The following BIRC6 variants were observed in gnomAD, a reference collection of about 807,000 sequenced individuals.
The protein encoded by BIRC6 is dual E2 ubiquitin-conjugating enzyme/E3 ubiquitin-protein ligase BIRC6.
A neutral mutation model predicts 503.3 loss-of-function variants in BIRC6; 98 were observed. The ratio of observed to expected loss-of-function variants is 0.19; its 90% CI spans 0.17 to 0.23. The LOEUF (loss-of-function observed/expected upper bound fraction) is 0.23, where lower values mean the gene tolerates loss of function less well. Among genes scored for constraint, BIRC6 ranks in the 10% least tolerant of loss-of-function variants. The pLI is 1.00. For synonymous variants in BIRC6, 2,240 were observed against 2,078.7 expected, an observed-to-expected ratio of 1.08 and a Z score of -2.11; for missense variants, 5,360 against 5,806.0, an observed-to-expected ratio of 0.92 and a Z score of 2.50.
chr2:32,407,200 C>G (rs2041315744), intron 9 of BIRC6, among the ~76,000 whole-genome samples: 1 of 152,094 alleles, frequency 6.6e-6, no homozygotes, highest in South Asian at 2.1e-4. Flanking sequence ...AATCCTAGCA[C>G]TTTGGGAGGC....
chr2:32,471,289 T>A, intron 32 of BIRC6, 165 bp downstream of exon 32: 1 of 500,710 alleles, frequency 2.0e-6, no homozygotes. Flanking sequence ...CAATTCTGTT[T>A]AAAGATAACA....
chr2:32,394,922 G>A (rs1255593616), intron 5 of BIRC6, among the ~76,000 whole-genome samples: 1 of 152,140 alleles, frequency 6.6e-6, no homozygotes, highest in East Asian at 1.9e-4. Context: ...AGGCTGAGAG[G>A]GGTGGATCAC....
At chr2:32,365,426 T>C (rs568102333) in intron 1 of BIRC6, among the ~76,000 whole-genome samples, 1 of 152,108 alleles carries the variant, frequency 6.6e-6, no homozygotes, top group South Asian at 2.1e-4. Flanking sequence ...TTCAAGCGAT[T>C]CTCCTGCCTC....
intron 46 of BIRC6, among the ~76,000 whole-genome samples, chr2:32,500,921 C>T (rs1386387307): frequency 2.6e-5 from 4 of 151,106 alleles, no homozygotes; most frequent in African/African-American, 9.7e-5. Flanking sequence ...TTTTTTTGTA[C>T]AGACGGGATT....
At chr2:32,492,311 A>G (rs541194506) in intron 44 of BIRC6, among the ~76,000 whole-genome samples, 1 of 152,244 alleles carries the variant, frequency 6.6e-6, no homozygotes, top group Non-Finnish European at 1.5e-5. Flanking sequence ...AGTATTTACC[A>G]AGATCAAATA....
intron 62 of BIRC6, among the ~76,000 whole-genome samples, chr2:32,544,847 C>T (rs565614884): frequency 6.6e-6 from 1 of 151,846 alleles, no homozygotes; most frequent in South Asian, 2.1e-4. Flanking sequence ...TTTAGTAGGT[C>T]AGGAATTTCT....
intron 66 of BIRC6, among the ~76,000 whole-genome samples, chr2:32,583,127 C>G (rs1237463280): frequency 1.3e-5 from 2 of 152,126 alleles, no homozygotes; most frequent in Admixed American, 6.5e-5. Context: ...AATGAGTGTA[C>G]TTTTTAGTTA....
chr2:32,517,507 C>T (rs1039853807), intron 55 of BIRC6, among the ~76,000 whole-genome samples: 7 of 152,138 alleles, frequency 4.6e-5, no homozygotes, highest in Non-Finnish European at 7.3e-5. Flanking sequence ...TTGGTTTGTG[C>T]TTCTGGGTAG....
Position 32,415,998 on chromosome 2 carries a change from C to T in BIRC6, c.2707C>T (p.Leu903=), listed in dbSNP as rs751513981. 3.7e-6 allele frequency: 6 copies of T among 1,613,774 alleles called. No homozygotes were observed. The African/African-American group carries it at 4.0e-5, about 11-fold the overall frequency. Residue 903 remains leucine (L), a synonymous_variant, in exon 10 of 74, where the codon CTG becomes TTG. Coordinates refer to ENST00000421745, the MANE Select transcript of BIRC6 (RefSeq NM_016252.4). The part of the protein sequence containing the change: ...KTSDISTLGH[L]VITTQGGYVK... The stretch of plus-strand genomic sequence containing the variant: ...GTCTGACATTTCTACTCTTGGACAC[C>T]TGGTAATAACCACTCAGGGAGGATA...
At position 32,500,692 on chromosome 2, in the gene BIRC6, G is replaced by A. The variant is rs59743723; in HGVS notation, c.9031+583G>A. Among the ~76,000 whole-genome samples, 933 of 136,520 alleles carry A rather than the reference G, an allele frequency of 6.8e-3. 8 individuals are homozygous for A. The highest frequency in any genetic ancestry group is 0.024 in the African/African-American group (886 of 36,844). The allele number at this position is 136,520 out of a possible 152,430, so 89.6% of individuals were successfully genotyped here. ...GTGATCTCGGTTCATTGCAACCTCC[G>A]CCTCCTAGGTTCAAGCAATTCTCAT... On this transcript the variant is annotated intron_variant, in intron 46 of 73. Coordinates refer to ENST00000421745, the MANE Select transcript of BIRC6 (RefSeq NM_016252.4).
At chr2:32,467,161 T>C (rs2048641013) in intron 26 of BIRC6, among the ~76,000 whole-genome samples, 1 of 150,192 alleles carries the variant, frequency 6.7e-6, no homozygotes, top group Admixed American at 6.6e-5. Flanking sequence ...TATTGCCCAG[T>C]GTGGAGTATA....
chr2:32,372,839 CAA>C (rs1417180536), intron 1 of BIRC6, among the ~76,000 whole-genome samples: 1 of 151,180 alleles, frequency 6.6e-6, no homozygotes, highest in South Asian at 2.1e-4. Flanking sequence ...CAAAAAAAGA[CAA>C]AGAGAAAGAA....
chr2:32,390,344 G>A (rs1483451128), intron 4 of BIRC6, among the ~76,000 whole-genome samples: 2 of 151,808 alleles, frequency 1.3e-5, no homozygotes, highest in African/African-American at 4.8e-5. Context: ...CTAATTTTTT[G>A]TATTTTTAGT....
At position 32,611,569 on chromosome 2, in the gene BIRC6, C is replaced by A; in HGVS notation, c.14381C>A (p.Ala4794Glu). ...KRVGRTMSHH[A>E]AALKRHTAQL... ...GTAGGCAGGACTATGTCTCACCATGCAGCAGCTCTCAAGGTGAGTAAGCCT... is the reference window on the plus strand; with the variant it reads ...GTAGGCAGGACTATGTCTCACCATGAAGCAGCTCTCAAGGTGAGTAAGCCT... Residue 4794 changes from alanine to glutamate, a missense_variant, in exon 73 of 74, where the codon GCA becomes GAA. This residue lies in a region of BIRC6 where 140 missense variants were observed against 130.2 expected (regional missense o/e 1.07). Coordinates refer to ENST00000421745, the MANE Select transcript of BIRC6 (RefSeq NM_016252.4). The A allele has an allele frequency of 1.3e-6, 2 of 1,584,600 alleles. No homozygotes were observed. The highest frequency in any genetic ancestry group is 8.6e-7 in the Non-Finnish European group (1 of 1,162,536).
chr2:32,359,249 G>C (rs2033670913), intron 1 of BIRC6, among the ~76,000 whole-genome samples: 1 of 152,122 alleles, frequency 6.6e-6, no homozygotes, highest in Non-Finnish European at 1.5e-5. Flanking sequence ...ATATGTACTA[G>C]GATTTCTAAA....
At position 32,408,279 on chromosome 2, in the gene BIRC6, T is replaced by G. The variant is rs576000338; in HGVS notation, c.1477+1722T>G. Among the ~76,000 whole-genome samples the G allele has an allele frequency of 2.0e-5, 3 of 151,888 alleles. No individual in the cohort carries two copies. The South Asian group carries it at 6.2e-4, about 32-fold the overall frequency. The stretch of plus-strand genomic sequence containing the variant: ...CACCGTGCCCGGCCAGACCTGGCTC[T>G]TTCTTTTGTTTTTTTGAGACGGAGT... On this transcript the variant is annotated intron_variant, in intron 9 of 73. Transcript: ENST00000421745.
chr2:32,529,561 T>TG (rs2056563741), intron 59 of BIRC6, 90 bp from the exon 60 acceptor site: 2 of 1,202,116 alleles, frequency 1.7e-6, no homozygotes, highest in Admixed American at 5.8e-5. Context: ...ATCAAACTCT[T>TG]GCCTGTAATT....
At chr2:32,439,460 A>G in intron 15 of BIRC6, 48 bp from the exon 16 acceptor site, 2 of 1,535,646 alleles carry the variant, frequency 1.3e-6, no homozygotes, top group East Asian at 4.5e-5. Flanking sequence ...AAACAGTGGA[A>G]TTTATTGGTG....
rs2050887294 is a variant in BIRC6, at chr2:32,485,490, T to TGTGGCTCCGATCGGA, written c.7697-152_7697-151insTGGCTCCGATCGGAG. 2.0e-5 allele frequency among the ~76,000 whole-genome samples: 3 copies of TGTGGCTCCGATCGGA among 152,202 alleles called. No individual in the cohort carries two copies. The South Asian group carries it at 6.2e-4, about 31-fold the overall frequency. ...CTCCTTTCCACAGATATTCTTCCCCTGCTGTGGCTCCGATACTGCATGTTA... is the reference window on the plus strand; with the variant it reads ...CTCCTTTCCACAGATATTCTTCCCCTGTGGCTCCGATCGGAGCTGTGGCTCCGATACTGCATGTTA... On this transcript the variant is annotated intron_variant, in intron 39 of 73. Coordinates refer to ENST00000421745, the MANE Select transcript of BIRC6 (RefSeq NM_016252.4).
Sources: gnomAD v4.1 joint callset for allele counts (sites outside exome capture counted in the v4.1 genomes callset) on GRCh38, gnomAD v4.1.1 for gene constraint, gnomAD v4.1.1 regional missense constraint, MANE v1.5 for transcripts, NCBI Gene and HGNC (gene_info 2026-07-23, HGNC 2026-07-21) for gene names.